The following PRR14 variants were observed in gnomAD, a reference collection of about 807,000 sequenced individuals.
PRR14 encodes the protein proline-rich protein 14.
A neutral mutation model predicts 57.2 loss-of-function variants in PRR14; 33 were observed. That is an observed-to-expected ratio of 0.58 (90% CI 0.44 to 0.77). The LOEUF (loss-of-function observed/expected upper bound fraction) is 0.77. PRR14 is among the 30% of genes least tolerant of loss of function. The pLI is 0.00. For missense variants in PRR14, 716 were observed against 788.1 expected, an observed-to-expected ratio of 0.91 and a Z score of 1.10; for synonymous variants, 303 against 314.7, an observed-to-expected ratio of 0.96 and a Z score of 0.39.
chr16:30,654,475 T>A (rs1023263433), intron 7 of PRR14, 136 bp downstream of exon 7: 23 of 954,756 alleles, frequency 2.4e-5, no homozygotes, highest in Non-Finnish European at 3.7e-5. Flanking sequence ...AAAGATGGGA[T>A]GTTGATGTCA....
At position 30,651,467 on chromosome 16, in the gene PRR14, G is replaced by A. The variant is rs1596602689; in HGVS notation, c.-50-129G>A. The A allele has an allele frequency of 1.4e-4, 68 of 495,772 alleles. No homozygotes were observed. In the East Asian group the frequency reaches 2.3e-3, roughly 17 times the overall value. The allele number at this position is 495,772 out of a possible 1,614,324, so 30.7% of individuals were successfully genotyped here. On this transcript the variant is annotated intron_variant, in intron 1 of 11. Transcript: ENST00000300835. The surrounding 1 kb of genome is among the most constrained non-coding windows in gnomAD (Gnocchi z 5.0). ...ACACCCGCTCCGGGCGACCGGCCGG[G>A]GGCGCCCTTTCGCGCCCCAGGGCTG...
Position 30,654,864 on chromosome 16 carries a change from G to A in PRR14, c.894G>A (p.Glu298=). 2 of 1,610,706 alleles carry A rather than the reference G, an allele frequency of 1.2e-6. No individual in the cohort carries two copies. The highest frequency in any genetic ancestry group is 2.2e-5 in the East Asian group (1 of 44,796). The change falls in exon 8 of 12, where the codon GAG becomes GAA. Residue 298 remains glutamate, a synonymous_variant. Transcript: ENST00000300835. ...ISEAEQSGAA[E]GTASVSPRPP... ...AGGCCGAGCAGTCTGGGGCTGCTGA[G>A]GGCACTGCGTCTGTCAGCCCCCGGC...
intron 7 of PRR14, 99 bp from the exon 8 acceptor site, chr16:30,654,530 G>T: frequency 9.4e-7 from 1 of 1,060,308 alleles, no homozygotes. Context: ...AGTGTTTTAA[G>T]GGTGGGCTAA....
chr16:30,652,577 T>C, intron 3 of PRR14, 144 bp from the exon 4 acceptor site: 1 of 1,030,846 alleles, frequency 9.7e-7, no homozygotes, highest in Admixed American at 2.1e-5. Context: ...TTCAGTCCAA[T>C]TCATCTCTTC....
chr16:30,652,060 A>G lies in PRR14; in HGVS notation c.192+96A>G, dbSNP rs1310285300. On this transcript the variant is annotated intron_variant, in intron 3 of 11. Coordinates refer to ENST00000300835, the MANE Select transcript of PRR14 (RefSeq NM_024031.5). ...CCTACTGAGGATAACTGAAGTCCAA[A>G]TCCATCATTGTTGTACTCAGCCCTC... 3.7e-6 allele frequency: 5 copies of G among 1,338,582 alleles called. No homozygotes were observed. The Admixed American group carries it at 9.4e-5, about 25-fold the overall frequency. The allele number at this position is 1,338,582 out of a possible 1,614,324, so 82.9% of individuals were successfully genotyped here. A position where few individuals can be genotyped will look rare whatever the true frequency, so the allele number is the denominator to read the frequency against.
chr16:30,654,846 G>A lies in PRR14; in HGVS notation c.876G>A (p.Glu292=), dbSNP rs759190322. The A allele has an allele frequency of 9.3e-6, 15 of 1,604,752 alleles. No homozygotes were observed. In the African/African-American group the frequency reaches 1.4e-4, roughly 15 times the overall value. The change falls in exon 8 of 12, where the codon GAG becomes GAA. Residue 292 remains glutamate (E), a synonymous_variant. Transcript: ENST00000300835. ...TGAAGATCGCCATCTCAGAGGCCGA[G>A]CAGTCTGGGGCTGCTGAGGGCACTG... ...LELKIAISEA[E]QSGAAEGTAS...
At chr16:30,652,104 T>TA in intron 3 of PRR14, 140 bp downstream of exon 3, 1 of 955,154 alleles carries the variant, frequency 1.0e-6, no homozygotes, top group Non-Finnish European at 1.5e-6. Context: ...TCCCTCATGG[T>TA]AGAGTCCTGC....
At position 30,655,662 on chromosome 16, in the gene PRR14, G is replaced by C. The variant is rs2052363586; in HGVS notation, c.1406+69G>C. ...GCAGGCTTATGTCCCCTGAAGTATA[G>C]CTTTGTCTCCCCTCAGGGAGCACAG... is the stretch of plus-strand genomic sequence containing the variant. On this transcript the variant is annotated intron_variant, in intron 10 of 11. Transcript: ENST00000300835. The surrounding 1 kb of genome is among the most constrained non-coding windows in gnomAD (Gnocchi z 4.6). 8 of 1,460,146 alleles carry C rather than the reference G, an allele frequency of 5.5e-6. No homozygotes were observed. The highest frequency in any genetic ancestry group is 7.7e-6 in the Non-Finnish European group (8 of 1,044,344). The allele number at this position is 1,460,146 out of a possible 1,614,324, so 90.4% of individuals were successfully genotyped here. A position where few individuals can be genotyped will look rare whatever the true frequency, so the allele number is the denominator to read the frequency against.
rs1567539906 is a variant in PRR14 at position 30,655,706 on chromosome 16, A to G, written c.1406+113A>G. ...AGCACAGTCCAGCCTGAAAGATTCA[A>G]TTCGGTGTGGGGATGGTTTGTGCTC... On this transcript the variant is annotated intron_variant, in intron 10 of 11. Coordinates refer to ENST00000300835, the MANE Select transcript of PRR14 (RefSeq NM_024031.5). This position sits in a 1 kb window ranked among gnomAD's most constrained non-coding sequence, Gnocchi z 4.6. The G allele has an allele frequency of 1.5e-6, 2 of 1,300,364 alleles. No individual in the cohort carries two copies. Among genetic ancestry groups the G allele is most frequent in the Non-Finnish European group, 2.2e-6 (2 of 903,472 alleles). The allele number at this position is 1,300,364 out of a possible 1,614,324, so 80.6% of individuals were successfully genotyped here.
At chr16:30,652,232 CTT>C (rs749845482) in intron 3 of PRR14, 9,264 of 500,542 alleles carry the variant, frequency 0.019, no homozygotes, top group East Asian at 0.022. Context: ...TTTTTTCTAT[CTT>C]TTTTTTTTTT....
intron 6 of PRR14, 128 bp downstream of exon 6, chr16:30,653,536 G>T: frequency 1.0e-6 from 1 of 961,674 alleles, no homozygotes; most frequent in South Asian, 1.4e-5. Flanking sequence ...GCCTTAAGGG[G>T]CCGGGCACGC....
At position 30,654,786 on chromosome 16, in the gene PRR14, G is replaced by GGC; in HGVS notation, c.816_817insGC (p.Pro273AlafsTer9). 12 of 1,568,076 alleles carry GGC rather than the reference G, an allele frequency of 7.7e-6. No homozygotes were observed. The highest frequency in any genetic ancestry group is 4.5e-5 in the South Asian group (4 of 89,850). Reference sequence around the variant, plus strand: ...TCCTCACGCCCAACAAAACCCCACAGCCCCCACCCCCGTCCCCCCCAATGA... The same window carrying GGC: ...TCCTCACGCCCAACAAAACCCCACAGGCCCCCCACCCCCGTCCCCCCCAATGA... On this transcript the variant is annotated frameshift_variant, in exon 8 of 12. Coordinates refer to ENST00000300835, the MANE Select transcript of PRR14 (RefSeq NM_024031.5). LOFTEE classifies it high-confidence loss of function.
Position 30,654,719 on chromosome 16 carries a change from TC to T in PRR14, c.751del (p.Arg251ValfsTer30), listed in dbSNP as rs1413007639. 6.2e-7 allele frequency: 1 copy of T among 1,613,842 alleles called. No homozygotes were observed. The highest frequency in any genetic ancestry group is 1.1e-5 in the South Asian group (1 of 91,084). On this transcript the variant is annotated frameshift_variant, in exon 8 of 12. Coordinates refer to ENST00000300835, the MANE Select transcript of PRR14 (RefSeq NM_024031.5). LOFTEE classifies it high-confidence loss of function. The part of the protein sequence containing the change: ...RLSPWGLAPL[F>X]RSVRSKLESF... ...AGTCCCTGGGGCTTGGCCCCGCTCT[TC>T]CGTTCCGTCCGCTCCAAGCTGGAGA...
At chr16:30,652,340 C>G in intron 3 of PRR14, 2 of 567,676 alleles carry the variant, frequency 3.5e-6, no homozygotes, top group South Asian at 1.5e-5. Context: ...GGATTACAGG[C>G]GTGAGCCACG....
At position 30,656,401 on chromosome 16, in the gene PRR14, GAT is replaced by G. The variant is rs777128240; in HGVS notation, c.*93_*94del. 142 of 1,254,176 alleles carry G rather than the reference GAT, an allele frequency of 1.1e-4. No individual in the cohort carries two copies. The highest frequency in any genetic ancestry group is 1.3e-4 in the Non-Finnish European group (124 of 923,876). The allele number at this position is 1,254,176 out of a possible 1,614,324, so 77.7% of individuals were successfully genotyped here. Reference sequence around the variant, plus strand: ...TCTCTATATTTCTAGTAAAGTTTTCGATATGTTTCTGATTCTTTTGTATCTCT... The same window carrying G: ...TCTCTATATTTCTAGTAAAGTTTTCGATGTTTCTGATTCTTTTGTATCTCT... On this transcript the variant is annotated 3_prime_UTR_variant, in exon 12 of 12. Transcript: ENST00000300835.
chr16:30,652,839 C>G lies in PRR14; in HGVS notation c.311C>G (p.Ala104Gly), dbSNP rs369578459. The change falls in exon 4 of 12, where the codon GCC (alanine) becomes GGC (glycine). Residue 104 changes from alanine to glycine, a missense_variant. Transcript: ENST00000300835. Reference sequence around the variant, plus strand: ...CGGCAGGCCGGGTGGTCCTCGCAGGCCAGGTGAGCATGGCAGGATGGGGGT... The same window carrying G: ...CGGCAGGCCGGGTGGTCCTCGCAGGGCAGGTGAGCATGGCAGGATGGGGGT... The part of the protein sequence containing the change: ...PPRQAGWSSQ[A>G]RPPDPLCLCR... 6.2e-7 allele frequency: 1 copy of G among 1,614,002 alleles called. No homozygotes were observed. The highest frequency in any genetic ancestry group is 1.3e-5 in the African/African-American group (1 of 74,946).
rs754253242 is a variant in PRR14, at chr16:30,654,872, C to T, written c.902C>T (p.Ala301Val). Residue 301 changes from alanine to valine, a missense_variant, in exon 8 of 12, where the codon GCG (alanine) becomes GTG (valine). Coordinates refer to ENST00000300835, the MANE Select transcript of PRR14 (RefSeq NM_024031.5). ...CAGTCTGGGGCTGCTGAGGGCACTG[C>T]GTCTGTCAGCCCCCGGCCCCCAATC... ...AEQSGAAEGT[A>V]SVSPRPPIRQ... 47 of 1,608,270 alleles carry T rather than the reference C, an allele frequency of 2.9e-5. No individual in the cohort carries two copies. In the Admixed American group the frequency reaches 3.3e-4, roughly 11 times the overall value.
Position 30,653,070 on chromosome 16 carries a change from G to A in PRR14, c.471G>A (p.Leu157=), listed in dbSNP as rs756432544. ...RAPQPTLVVM[L]EDIASPRPPA... Reference sequence around the variant, plus strand: ...CCCAGCCCACCCTGGTGGTGATGCTGGAAGACATCGCCAGTCCTAGACCCC... The same window carrying A: ...CCCAGCCCACCCTGGTGGTGATGCTAGAAGACATCGCCAGTCCTAGACCCC... Residue 157 remains leucine, a synonymous_variant, in exon 5 of 12, where the codon CTG becomes CTA. Coordinates refer to ENST00000300835, the MANE Select transcript of PRR14 (RefSeq NM_024031.5). 5.0e-6 allele frequency: 8 copies of A among 1,612,664 alleles called. No homozygotes were observed. In the Admixed American group the frequency reaches 6.7e-5, roughly 13 times the overall value.
Position 30,655,470 on chromosome 16 carries a change from T to A in PRR14, c.1315-32T>A. On this transcript the variant is annotated intron_variant, in intron 9 of 11. Coordinates refer to ENST00000300835, the MANE Select transcript of PRR14 (RefSeq NM_024031.5). This position sits in a 1 kb window ranked among gnomAD's most constrained non-coding sequence, Gnocchi z 4.6. ...AGACTAGTGGGGGCCTGAGCCCATG[T>A]CACTCTTTCACCCTCTGCCCCATTT... 2 of 1,613,598 alleles carry A rather than the reference T, an allele frequency of 1.2e-6. No homozygotes were observed. The highest frequency in any genetic ancestry group is 8.5e-7 in the Non-Finnish European group (1 of 1,179,500).
Sources: gnomAD v4.1 joint callset for allele counts on GRCh38, gnomAD v4.1.1 for gene constraint, Gnocchi (gnomAD v3.1) non-coding constraint, MANE v1.5 for transcripts, NCBI Gene and HGNC (gene_info 2026-07-23, HGNC 2026-07-21) for gene names.